KPNA6: variants seen among roughly 807,000 people sequenced by gnomAD.
KPNA6 encodes importin subunit alpha-7.
In KPNA6, 9 loss-of-function variants were observed where a neutral mutation model predicts 72.0. The ratio of observed to expected loss-of-function variants is 0.13; its 90% CI spans 0.08 to 0.22. KPNA6 has a LOEUF of 0.22. Among genes scored for constraint, KPNA6 ranks in the 10% least tolerant of loss-of-function variants. The probability of loss-of-function intolerance (pLI) is 1.00; values close to 1 mark genes in which losing one functional copy is unlikely to be tolerated. For missense variants in KPNA6, 374 were observed against 655.7 expected (o/e 0.57, Z 4.69); for synonymous variants, 219 against 242.1 (o/e 0.90, Z 0.89).
At chr1:32,123,433 A>G (rs1641473691) in intron 1 of KPNA6, among the ~76,000 whole-genome samples, 1 of 152,012 alleles carries the variant, frequency 6.6e-6, no homozygotes, top group African/African-American at 2.4e-5. Flanking sequence ...TTTTTATTCA[A>G]TGCATGGTTA....
Position 32,129,177 on chromosome 1 carries a change from T to G in KPNA6, c.4+21043T>G, listed in dbSNP as rs1040950411. On this transcript the variant is annotated intron_variant, in intron 1 of 13. Coordinates refer to ENST00000373625, the MANE Select transcript of KPNA6 (RefSeq NM_012316.5). ...TCCTCTTTTTTTTCTTTCTTTTTTT[T>G]TTTTGAGACAGGCTCTAGCTCTGTT... Among the ~76,000 whole-genome samples the G allele has an allele frequency of 4.6e-5, 7 of 151,576 alleles. No individual in the cohort carries two copies. The East Asian group carries it at 1.4e-3, about 29-fold the overall frequency.
intron 1 of KPNA6, among the ~76,000 whole-genome samples, chr1:32,133,107 G>T (rs1641669901): frequency 6.6e-6 from 1 of 152,072 alleles, no homozygotes; most frequent in African/African-American, 2.4e-5. Context: ...ACTCTGGGAG[G>T]CTAAGGCAGG....
At chr1:32,125,233 T>A (rs1475989565) in intron 1 of KPNA6, among the ~76,000 whole-genome samples, 4 of 152,256 alleles carry the variant, frequency 2.6e-5, no homozygotes, top group Non-Finnish European at 2.9e-5. Flanking sequence ...CAATCCAGTT[T>A]GGCAGTTTGT....
intron 3 of KPNA6, 76 bp from the exon 4 acceptor site, chr1:32,157,270 A>C: frequency 3.6e-6 from 4 of 1,105,678 alleles, no homozygotes; most frequent in Non-Finnish European, 5.5e-6. Flanking sequence ...AGAAAACAGG[A>C]TGCCAAGCAG....
intron 1 of KPNA6, among the ~76,000 whole-genome samples, chr1:32,116,587 G>T (rs1270625599): frequency 6.6e-6 from 1 of 152,124 alleles, no homozygotes; most frequent in East Asian, 1.9e-4. Flanking sequence ...GAACCCAGGA[G>T]GTGGAGGTTT....
At chr1:32,155,915 ATTTTTTTTTT>A (rs747284319) in intron 2 of KPNA6, among the ~76,000 whole-genome samples, 1 of 105,050 alleles carries the variant, frequency 9.5e-6, no homozygotes, top group South Asian at 3.4e-4. Context: ...ATTTTTGTGG[ATTTTTTTTTT>A]TTTTTTTTTT....
At chr1:32,137,553 A>G (rs939254122) in intron 1 of KPNA6, among the ~76,000 whole-genome samples, 1 of 152,158 alleles carries the variant, frequency 6.6e-6, no homozygotes, top group Non-Finnish European at 1.5e-5. Context: ...ATTTATTGTA[A>G]ACGACTTCAG....
intron 1 of KPNA6, among the ~76,000 whole-genome samples, chr1:32,141,460 C>T (rs1462866091): frequency 1.4e-4 from 18 of 129,986 alleles, no homozygotes; most frequent in African/African-American, 3.5e-4. Flanking sequence ...TGCAGTGGCG[C>T]GATCTTGGCT....
In KPNA6 at chr1:32,131,947, T is replaced by TAAAA. The variant is rs1641645765; in HGVS notation, c.5-22640_5-22639insAAAA. 1.6e-4 allele frequency among the ~76,000 whole-genome samples: 24 copies of TAAAA among 151,606 alleles called. No individual in the cohort carries two copies. The South Asian group carries it at 4.8e-3, about 30-fold the overall frequency. ...TTGATGGTGTCTTTTATTTACTTTTTATTTTTTATATTTATTTATTTATTT... is the reference window on the plus strand; with the variant it reads ...TTGATGGTGTCTTTTATTTACTTTTTAAAAATTTTTTATATTTATTTATTTATTT... On this transcript the variant is annotated intron_variant, in intron 1 of 13. Transcript: ENST00000373625.
intron 1 of KPNA6, among the ~76,000 whole-genome samples, chr1:32,136,873 A>G (rs1207549292): frequency 6.6e-6 from 1 of 152,234 alleles, no homozygotes; most frequent in Non-Finnish European, 1.5e-5. Context: ...CTGGTTTTCA[A>G]ATCAAAGCCT....
rs1355074253 is a variant in KPNA6 at position 32,175,423 on chromosome 1, TGAAG to T, written c.*4534_*4537del. ...ATATACGCCATGGCCTGGGGGGCAT[TGAAG>T]GAAGTAAGCTCTCAGAGATCCTAAC... On this transcript the variant is annotated 3_prime_UTR_variant, in exon 14 of 14. Transcript: ENST00000373625. 6.6e-6 allele frequency: 1 copy of T among 152,180 alleles called. No individual in the cohort carries two copies. 9.4% of individuals were successfully genotyped at this position (152,180 alleles called of 1,614,324 possible).
chr1:32,137,418 C>CGGGAGGAT (rs1641754105), intron 1 of KPNA6, among the ~76,000 whole-genome samples: 1 of 152,124 alleles, frequency 6.6e-6, no homozygotes, highest in Admixed American at 6.6e-5. Flanking sequence ...GGTGATCCTC[C>CGGGAGGAT]CACCTTGGCC....
chr1:32,110,713 A>G (rs1006311745), intron 1 of KPNA6, among the ~76,000 whole-genome samples: 3 of 152,112 alleles, frequency 2.0e-5, no homozygotes, highest in African/African-American at 7.2e-5. Context: ...CCTGACCAAT[A>G]AGGTGAAACC....
intron 1 of KPNA6, among the ~76,000 whole-genome samples, chr1:32,111,829 C>T (rs1641248004): frequency 6.6e-6 from 1 of 152,160 alleles, no homozygotes; most frequent in Non-Finnish European, 1.5e-5. Context: ...CAGTGATTTC[C>T]CTGCCACTAG....
intron 8 of KPNA6, 122 bp from the exon 9 acceptor site, chr1:32,162,239 C>T: frequency 6.7e-6 from 7 of 1,038,454 alleles, no homozygotes; most frequent in Non-Finnish European, 7.2e-6. Context: ...AGTAGCGATC[C>T]CTAGGGTCTG....
intron 2 of KPNA6, among the ~76,000 whole-genome samples, chr1:32,155,703 A>ATTATTTATTTATTTAT (rs150358147): frequency 6.8e-6 from 1 of 146,034 alleles, no homozygotes; most frequent in African/African-American, 2.6e-5. Flanking sequence ...CCTGATTATT[A>ATTATTTATTTATTTAT]TTATTTATTT....
At chr1:32,133,339 G>C (rs1641674210) in intron 1 of KPNA6, among the ~76,000 whole-genome samples, 1 of 150,978 alleles carries the variant, frequency 6.6e-6, no homozygotes. Flanking sequence ...GCAAGACCTT[G>C]TCTTAAAAAA....
chr1:32,155,892 C>T (rs978278482), intron 2 of KPNA6, among the ~76,000 whole-genome samples: 1 of 150,668 alleles, frequency 6.6e-6, no homozygotes, highest in African/African-American at 2.4e-5. Flanking sequence ...GCATGTACCA[C>T]CACGCCCGGC....
intron 1 of KPNA6, among the ~76,000 whole-genome samples, chr1:32,110,917 AT>A (rs1260664804): frequency 6.6e-6 from 1 of 152,168 alleles, no homozygotes; most frequent in Non-Finnish European, 1.5e-5. Flanking sequence ...CAAAAAACAG[AT>A]AACAGTGTTT....
Sources: gnomAD v4.1 joint callset for allele counts (sites outside exome capture counted in the v4.1 genomes callset) on GRCh38, gnomAD v4.1.1 for gene constraint, MANE v1.5 for transcripts, NCBI Gene and HGNC (gene_info 2026-07-23, HGNC 2026-07-21) for gene names.